TIMM44: variants seen among roughly 807,000 people sequenced by gnomAD.
TIMM44 encodes the protein translocase of inner mitochondrial membrane 44, also known as mitochondrial import inner membrane translocase subunit TIM44.
TIMM44 carries 37 observed loss-of-function variants against 63.8 expected under a neutral mutation model. That is an observed-to-expected ratio of 0.58 (90% CI 0.45 to 0.76). The LOEUF is 0.76. Ranked by LOEUF, TIMM44 falls within the 30% of genes least tolerant of loss-of-function variation. The pLI is 0.00. For missense variants in TIMM44, 573 were observed against 603.8 expected (o/e 0.95, Z 0.54); for synonymous variants, 239 against 245.1 (o/e 0.98, Z 0.23).
chr19:7,931,102 TAAAA>T (rs58157552), intron 10 of TIMM44, 32 bp downstream of exon 10: 2 of 1,400,066 alleles, frequency 1.4e-6, no homozygotes, highest in East Asian at 2.5e-5. Context: ...TTTTAGGCCT[TAAAA>T]AAAAAAAAAG....
chr19:7,928,387 C>A, intron 10 of TIMM44: 1 of 563,500 alleles, frequency 1.8e-6, no homozygotes, highest in East Asian at 2.9e-5. Context: ...CCAGATGACC[C>A]AATGAAAACA....
rs1036267740 is a variant in TIMM44 at position 7,943,357 on chromosome 19, G to C, written c.45+250C>G. Among the ~76,000 whole-genome samples the C allele has an allele frequency of 1.4e-4, 21 of 151,846 alleles. No individual in the cohort carries two copies. The highest frequency in any genetic ancestry group is 4.8e-4 in the African/African-American group (20 of 41,322). Reference sequence around the variant, plus strand: ...CCTGTATACGTGGAGTCTGATCAGAGGGCGAAGGGTGATCAGCTCCCTCCC... The same window carrying C: ...CCTGTATACGTGGAGTCTGATCAGACGGCGAAGGGTGATCAGCTCCCTCCC... On this transcript the variant is annotated intron_variant, in intron 1 of 12. Coordinates refer to ENST00000270538, the MANE Select transcript of TIMM44 (RefSeq NM_006351.4). This position sits in a 1 kb window ranked among gnomAD's most constrained non-coding sequence, Gnocchi z 4.3.
At chr19:7,942,746 C>T (rs887699354) in intron 1 of TIMM44, among the ~76,000 whole-genome samples, 5 of 151,090 alleles carry the variant, frequency 3.3e-5, no homozygotes, top group African/African-American at 4.9e-5. Flanking sequence ...CTGCAATCTC[C>T]GCCTGCCGGG....
At position 7,941,187 on chromosome 19, in the gene TIMM44, C is replaced by A; in HGVS notation, c.56G>T (p.Gly19Val). The A allele has an allele frequency of 6.2e-7, 1 of 1,613,738 alleles. No homozygotes were observed. The highest frequency in any genetic ancestry group is 8.5e-7 in the Non-Finnish European group (1 of 1,179,662). ...GCTGGAAAGAAATTGGATTCCACTG[C>A]CGAGGCATCTCTAATTGGGGGGAGA... The part of the protein sequence containing the change: ...GWCRCPRRCL[G>V]SGIQFLSSHN... Residue 19 changes from glycine (G) to valine (V), a missense_variant, in exon 2 of 13, where the codon GGC (glycine) becomes GTC (valine). Coordinates refer to ENST00000270538, the MANE Select transcript of TIMM44 (RefSeq NM_006351.4).
chr19:7,934,137 T>A lies in TIMM44; in HGVS notation c.495A>T (p.Lys165Asn). ...CTGTCCTGCCCAGCTTCTCCCCGCC[T>A]TTGGATACCGACTCGGCCGACTGCT... is the stretch of plus-strand genomic sequence containing the variant. ...TAKQSAESVS[K>N]GGEKLGRTAA... The change falls in exon 5 of 13, where the codon AAA (lysine) becomes AAT (asparagine). Residue 165 changes from lysine (K) to asparagine (N), a missense_variant. By Grantham distance (94) the Lys-to-Asn change is moderately conservative. Transcript: ENST00000270538. This position sits in a 1 kb window ranked among gnomAD's most constrained non-coding sequence, Gnocchi z 5.3. 3.1e-6 allele frequency: 5 copies of A among 1,613,464 alleles called. No homozygotes were observed. Among genetic ancestry groups the A allele is most frequent in the Non-Finnish European group, 4.2e-6 (5 of 1,179,968 alleles).
chr19:7,926,833 C>A lies in TIMM44; in HGVS notation c.*354G>T. On this transcript the variant is annotated 3_prime_UTR_variant, in exon 13 of 13. Transcript: ENST00000270538. Reference sequence around the variant, plus strand: ...AAAGTGGCTTGGCTGACGTGGCTAGCGGGCCACTGAGCCGCGGGTCCCGGG... The same window carrying A: ...AAAGTGGCTTGGCTGACGTGGCTAGAGGGCCACTGAGCCGCGGGTCCCGGG... 2.9e-6 allele frequency: 1 copy of A among 347,578 alleles called. No individual in the cohort carries two copies. The highest frequency in any genetic ancestry group is 5.5e-6 in the Non-Finnish European group (1 of 180,504). 21.5% of individuals were successfully genotyped at this position (347,578 alleles called of 1,614,324 possible).
rs758905293 is a variant in TIMM44, at chr19:7,934,287, C to CG, written c.394-50dup. The CG allele has an allele frequency of 1.7e-5, 27 of 1,602,160 alleles. No individual in the cohort carries two copies. The highest frequency in any genetic ancestry group is 1.6e-5 in the Non-Finnish European group (19 of 1,178,498). ...GGGCGTTGGCACCGGCCCTGGCGGC[C>CG]GGGGGGCGGGGCAGGAGGAATGAAT... On this transcript the variant is annotated intron_variant, in intron 4 of 12. Transcript: ENST00000270538. This position sits in a 1 kb window ranked among gnomAD's most constrained non-coding sequence, Gnocchi z 5.3.
In TIMM44 at chr19:7,927,372, G is replaced by A. The variant is rs1445081268; in HGVS notation, c.1240-66C>T. On this transcript the variant is annotated intron_variant, in intron 12 of 12. Transcript: ENST00000270538. The stretch of plus-strand genomic sequence containing the variant: ...GGTGACCCAGGCAGCTCTGGGGGGG[G>A]GCCAGGCTCTGTGGGGCAGGAGCCA... The A allele has an allele frequency of 1.7e-5, 27 of 1,585,454 alleles. No homozygotes were observed. The East Asian group carries it at 2.5e-4, about 14-fold the overall frequency.
intron 3 of TIMM44, among the ~76,000 whole-genome samples, chr19:7,935,591 G>A (rs924462065): frequency 6.6e-6 from 1 of 152,216 alleles, no homozygotes; most frequent in Non-Finnish European, 1.5e-5. Context: ...GCTGCCTCCA[G>A]GGCCCCCGGC....
Position 7,934,977 on chromosome 19 carries a change from C to T in TIMM44, c.393+88G>A. ...GCCACCCACTGCTGCCAAGCCACCC[C>T]CACCCAGGAGCCGACTCTTCCTCCA... On this transcript the variant is annotated intron_variant, in intron 4 of 12. Transcript: ENST00000270538. The surrounding 1 kb of genome is among the most constrained non-coding windows in gnomAD (Gnocchi z 5.3). 7.8e-7 allele frequency: 1 copy of T among 1,287,938 alleles called. No individual in the cohort carries two copies. The highest frequency in any genetic ancestry group is 1.1e-6 in the Non-Finnish European group (1 of 907,446). The allele number at this position is 1,287,938 out of a possible 1,614,324, so 79.8% of individuals were successfully genotyped here. A position where few individuals can be genotyped will look rare whatever the true frequency, so the allele number is the denominator to read the frequency against.
rs1197498893 is a variant in TIMM44 at position 7,932,175 on chromosome 19, C to T, written c.987+452G>A. On this transcript the variant is annotated intron_variant, in intron 9 of 12. Transcript: ENST00000270538. ...ATGACCTTGAGCAAGATACCCTCAT[C>T]TATAAGCCCAACAAGGGTCTGGTTG... 3 of 206,408 alleles carry T rather than the reference C, an allele frequency of 1.5e-5. No individual in the cohort carries two copies. In the East Asian group the frequency reaches 3.8e-4, roughly 26 times the overall value. 12.8% of individuals were successfully genotyped at this position (206,408 alleles called of 1,614,324 possible). A position where few individuals can be genotyped will look rare whatever the true frequency, so the allele number is the denominator to read the frequency against.
chr19:7,935,109 C>T lies in TIMM44; in HGVS notation c.349G>A (p.Val117Met). The T allele has an allele frequency of 6.2e-7, 1 of 1,613,876 alleles. No individual in the cohort carries two copies. Among genetic ancestry groups the T allele is most frequent in the Non-Finnish European group, 8.5e-7 (1 of 1,179,938 alleles). The stretch of plus-strand genomic sequence containing the variant: ...AGCTCCCCAAGCTTCTTCCGTAGCA[C>T]CTCGCTCGTCCGCACGGTTTCTGAC... The part of the protein sequence containing the change: ...IESETVRTSE[V>M]LRKKLGELTG... The change falls in exon 4 of 13, where the codon GTG becomes ATG. Residue 117 changes from valine (V) to methionine (M), a missense_variant. By Grantham distance (21) the Val-to-Met change is conservative. Transcript: ENST00000270538.
chr19:7,941,268 C>T, intron 1 of TIMM44, 71 bp from the exon 2 acceptor site: 2 of 1,169,344 alleles, frequency 1.7e-6, no homozygotes, highest in Non-Finnish European at 2.6e-6. Flanking sequence ...AGACCACACA[C>T]AAAACAGCAG....
In TIMM44 at chr19:7,934,743, G is replaced by A. The variant is rs1221254604; in HGVS notation, c.393+322C>T. On this transcript the variant is annotated intron_variant, in intron 4 of 12. Coordinates refer to ENST00000270538, the MANE Select transcript of TIMM44 (RefSeq NM_006351.4). This position sits in a 1 kb window ranked among gnomAD's most constrained non-coding sequence, Gnocchi z 5.3. The stretch of plus-strand genomic sequence containing the variant: ...CAGCACCCCAGGAATCCTGCCTCCC[G>A]CCTCTACCCTCGGGAGGGGGTGGAA... 2.0e-5 allele frequency among the ~76,000 whole-genome samples: 3 copies of A among 152,144 alleles called. No individual in the cohort carries two copies. The highest frequency in any genetic ancestry group is 2.1e-4 in the South Asian group (1 of 4,832).
chr19:7,941,131 T>C lies in TIMM44; in HGVS notation c.112A>G (p.Met38Val). The change falls in exon 2 of 13, where the codon ATG (methionine) becomes GTG (valine). Residue 38 changes from methionine to valine, a missense_variant. Met to Val is a conservative substitution (Grantham distance 21). Coordinates refer to ENST00000270538, the MANE Select transcript of TIMM44 (RefSeq NM_006351.4). ...HNLPHGSTYQ[M>V]RRPGGELPLS... ...GGCAGCTCTCCGCCCGGCCGGCGCA[T>C]CTGATAGGTCGACCCATGGGGTAGG... The C allele has an allele frequency of 6.2e-7, 1 of 1,614,050 alleles. No individual in the cohort carries two copies. Among genetic ancestry groups the C allele is most frequent in the Non-Finnish European group, 8.5e-7 (1 of 1,180,010 alleles).
At chr19:7,927,546 C>A (rs1161039085) in intron 12 of TIMM44, 111 bp downstream of exon 12, 2 of 1,224,416 alleles carry the variant, frequency 1.6e-6, no homozygotes, top group Non-Finnish European at 2.4e-6. Flanking sequence ...CACATCCCCA[C>A]CCAGTCCCAG....
intron 10 of TIMM44, among the ~76,000 whole-genome samples, chr19:7,929,133 G>A (rs1267298643): frequency 1.3e-5 from 2 of 152,118 alleles, no homozygotes; most frequent in Admixed American, 6.5e-5. Flanking sequence ...AAACACACAG[G>A]TCGGGGAGCG....
intron 11 of TIMM44, 59 bp from the exon 12 acceptor site, chr19:7,927,826 A>C: frequency 6.5e-7 from 1 of 1,544,810 alleles, no homozygotes; most frequent in Non-Finnish European, 8.9e-7. Flanking sequence ...GCTCCCCTGG[A>C]GGTGAAACCC....
At chr19:7,936,858 T>C (rs1255408170) in intron 3 of TIMM44, among the ~76,000 whole-genome samples, 1 of 152,102 alleles carries the variant, frequency 6.6e-6, no homozygotes, top group Non-Finnish European at 1.5e-5. Context: ...CTCAGCACTT[T>C]GGAAGGCCAA....
Sources: gnomAD v4.1 joint callset for allele counts (sites outside exome capture counted in the v4.1 genomes callset) on GRCh38, gnomAD v4.1.1 for gene constraint, Gnocchi (gnomAD v3.1) non-coding constraint, MANE v1.5 for transcripts, NCBI Gene and HGNC (gene_info 2026-07-23, HGNC 2026-07-21) for gene names.